Variants in ASH1L observed in about 807,000 individuals in gnomAD.
ASH1L encodes the protein histone-lysine N-methyltransferase ASH1L.
In ASH1L, 23 loss-of-function variants were observed where a neutral mutation model predicts 269.0. That is an observed-to-expected ratio of 0.09 (90% confidence interval 0.06 to 0.12). The LOEUF is 0.12. Ranked by LOEUF, ASH1L falls within the 10% of genes least tolerant of loss-of-function variation. The pLI is 1.00. For missense variants in ASH1L, 2,912 were observed against 3,567.8 expected (o/e 0.82, Z 4.68); for synonymous variants, 1,187 against 1,253.5 (o/e 0.95, Z 1.12).
chr1:155,399,514 C>T (rs1025728830), intron 6 of ASH1L, among the ~76,000 whole-genome samples: 1 of 151,852 alleles, frequency 6.6e-6, no homozygotes, highest in Non-Finnish European at 1.5e-5. Context: ...GTGGTGGCAC[C>T]TGTAATTTCA....
At position 155,415,244 on chromosome 1, in the gene ASH1L, G is replaced by A. The variant is rs1279035551; in HGVS notation, c.6008+500C>T. Among the ~76,000 whole-genome samples, 3 of 151,780 alleles carry A rather than the reference G, an allele frequency of 2.0e-5. 1 individual carries two copies. Among genetic ancestry groups the A allele is most frequent in the South Asian group, 4.2e-4 (2 of 4,810 alleles). The stretch of plus-strand genomic sequence containing the variant: ...TAAAAATACACAAAATTAGCTGGGC[G>A]TGGTGGCGGGCCCTGTACTCCCAGC... On this transcript the variant is annotated intron_variant, in intron 6 of 27. Transcript: ENST00000392403.
At chr1:155,529,422 T>G (rs1346251036) in intron 1 of ASH1L, among the ~76,000 whole-genome samples, 1 of 152,014 alleles carries the variant, frequency 6.6e-6, no homozygotes, top group African/African-American at 2.4e-5. Context: ...GTGGTTTTGA[T>G]TTGCATTTCT....
At chr1:155,533,436 G>A (rs1256212718) in intron 1 of ASH1L, among the ~76,000 whole-genome samples, 2 of 151,940 alleles carry the variant, frequency 1.3e-5, no homozygotes, top group African/African-American at 4.8e-5. Flanking sequence ...TCTTTAGGCT[G>A]GGCGTGGTGG....
intron 2 of ASH1L, among the ~76,000 whole-genome samples, chr1:155,488,943 TAAAG>T (rs1287858825): frequency 6.6e-6 from 1 of 152,170 alleles, no homozygotes; most frequent in African/African-American, 2.4e-5. Flanking sequence ...CTTTCATGAA[TAAAG>T]ACTTTACATT....
intron 13 of ASH1L, 89 bp from the exon 14 acceptor site, chr1:155,357,838 A>T: frequency 7.8e-7 from 1 of 1,276,626 alleles, no homozygotes; most frequent in Non-Finnish European, 1.1e-6. Flanking sequence ...TAGTATGATC[A>T]TGGCTCACTG....
At chr1:155,365,170 T>G (rs893984171) in intron 12 of ASH1L, among the ~76,000 whole-genome samples, 1 of 152,088 alleles carries the variant, frequency 6.6e-6, no homozygotes, top group Non-Finnish European at 1.5e-5. Context: ...GGAAATAGAC[T>G]GCAACACTGA....
chr1:155,405,247 G>GA (rs1558069624), intron 6 of ASH1L, among the ~76,000 whole-genome samples: 1 of 146,510 alleles, frequency 6.8e-6, no homozygotes, highest in African/African-American at 2.4e-5. Flanking sequence ...TTAGGGGGCT[G>GA]AGGGGGGGGC....
At chr1:155,488,502 C>CAAAAAA (rs368511587) in intron 2 of ASH1L, among the ~76,000 whole-genome samples, 2 of 41,304 alleles carry the variant, frequency 4.8e-5, no homozygotes, top group South Asian at 7.9e-4. Context: ...ACTAAAAATA[C>CAAAAAA]AAAAAAAAAA....
intron 1 of ASH1L, among the ~76,000 whole-genome samples, chr1:155,536,718 G>C (rs753392403): frequency 6.6e-6 from 1 of 150,968 alleles, no homozygotes; most frequent in Non-Finnish European, 1.5e-5. Flanking sequence ...GGGTGACAGA[G>C]TGAGAACCAG....
chr1:155,441,501 C>T (rs1382993442), intron 4 of ASH1L, among the ~76,000 whole-genome samples: 10 of 112,258 alleles, frequency 8.9e-5, no homozygotes, highest in African/African-American at 3.3e-4. Context: ...CTTGCTCTGT[C>T]ACCCAGGCTG....
intron 19 of ASH1L, 133 bp downstream of exon 19, chr1:155,349,194 C>T: frequency 1.1e-6 from 1 of 895,976 alleles, no homozygotes; most frequent in Non-Finnish European, 1.7e-6. Context: ...ACACATACCC[C>T]AAGGATACTC....
chr1:155,376,882 CTCAAA>C (rs1656497391), intron 10 of ASH1L, among the ~76,000 whole-genome samples: 1 of 151,012 alleles, frequency 6.6e-6, no homozygotes, highest in South Asian at 2.1e-4. Flanking sequence ...AAATTACAGA[CTCAAA>C]TCAAAGTCAT....
intron 7 of ASH1L, among the ~76,000 whole-genome samples, chr1:155,394,550 G>A (rs907718672): frequency 5.3e-5 from 8 of 152,102 alleles, no homozygotes; most frequent in Middle Eastern, 3.2e-3. Context: ...ATTTGGAGAG[G>A]AGTAGGATAT....
chr1:155,560,815 T>C (rs532553775), intron 1 of ASH1L, among the ~76,000 whole-genome samples: 8 of 152,302 alleles, frequency 5.3e-5, no homozygotes, highest in African/African-American at 1.9e-4. Flanking sequence ...TCAGAAATGC[T>C]CTGCTTCCTC....
chr1:155,407,450 C>T (rs1016094466), intron 6 of ASH1L, among the ~76,000 whole-genome samples: 2 of 152,140 alleles, frequency 1.3e-5, no homozygotes, highest in South Asian at 4.1e-4. Flanking sequence ...TAAGATATAC[C>T]TCCAAAATAT....
Position 155,522,772 on chromosome 1 carries a change from C to T in ASH1L, c.-99-1154G>A, listed in dbSNP as rs575531483. ...CGCGATCTCAGCTCACTGCAACCTG[C>T]GTCTCCTGGGTTCAAGAGATTCTCC... On this transcript the variant is annotated intron_variant, in intron 1 of 27. Coordinates refer to ENST00000392403, the MANE Select transcript of ASH1L (RefSeq NM_018489.3). Among the ~76,000 whole-genome samples, 8 of 151,324 alleles carry T rather than the reference C, an allele frequency of 5.3e-5. No individual in the cohort carries two copies. The South Asian group carries it at 1.5e-3, about 28-fold the overall frequency.
At chr1:155,398,765 G>A (rs1658574694) in intron 6 of ASH1L, among the ~76,000 whole-genome samples, 1 of 152,042 alleles carries the variant, frequency 6.6e-6, no homozygotes, top group Non-Finnish European at 1.5e-5. Flanking sequence ...AGAGTGCAGT[G>A]GCGAGATCTC....
chr1:155,348,863 A>G (rs1653602558), intron 19 of ASH1L, among the ~76,000 whole-genome samples: 1 of 150,424 alleles, frequency 6.6e-6, no homozygotes, highest in Admixed American at 6.7e-5. Flanking sequence ...CCTGGGTGAC[A>G]GAGCAAGATT....
At chr1:155,366,807 G>A (rs1655464199) in intron 12 of ASH1L, among the ~76,000 whole-genome samples, 1 of 151,956 alleles carries the variant, frequency 6.6e-6, no homozygotes. Flanking sequence ...CAATAGCTGG[G>A]ACTATAGGCG....
Sources: gnomAD v4.1 joint callset for allele counts (sites outside exome capture counted in the v4.1 genomes callset) on GRCh38, gnomAD v4.1.1 for gene constraint, MANE v1.5 for transcripts, NCBI Gene and HGNC (gene_info 2026-07-23, HGNC 2026-07-21) for gene names.